The following ASPRV1 variants were observed in gnomAD, a reference collection of about 807,000 sequenced individuals.
ASPRV1 encodes retroviral-like aspartic protease 1.
A neutral mutation model predicts 11.0 loss-of-function variants in ASPRV1; 7 were observed. The observed-to-expected ratio is 0.64, with a 90% CI of 0.36 to 1.20. ASPRV1 has a LOEUF of 1.20. Ranked by LOEUF, ASPRV1 falls within the 50% of genes most tolerant of loss-of-function variation. The pLI is 0.02. For missense variants in ASPRV1, 299 were observed against 320.0 expected, an observed-to-expected ratio of 0.93 and a Z score of 0.50; for synonymous variants, 136 against 138.4, an observed-to-expected ratio of 0.98 and a Z score of 0.12.
chr2:69,964,535 C>T (rs1678270439), upstream of ASPRV1: 5 of 274,756 alleles, frequency 1.8e-5, no homozygotes, highest in South Asian at 6.3e-5. Flanking sequence ...GGAATGGCTA[C>T]GCCAGAGGTG....
rs1678114326 is a variant in ASPRV1, at chr2:69,961,574, A to G, written c.-138T>C. The G allele has an allele frequency of 3.1e-6, 5 of 1,614,020 alleles. No individual in the cohort carries two copies. The highest frequency in any genetic ancestry group is 4.5e-5 in the East Asian group (2 of 44,872). On this transcript the variant is annotated 5_prime_UTR_variant, in exon 1 of 1. Transcript: ENST00000320256. ...ATGACTTGCCCGGCCTTGGGCAAGC[A>G]GGAGGGAGCAGGCGCGGTCGGCTGG...
At chr2:69,992,432 T>C in the ASPRV1 span, among the ~76,000 whole-genome samples, 83 of 152,304 alleles carry the variant, frequency 5.4e-4, no homozygotes, top group African/African-American at 1.9e-3. Flanking sequence ...TCAGGCAGTG[T>C]GAAAACCCAG....
chr2:70,039,450 G>GA, the ASPRV1 span, among the ~76,000 whole-genome samples: 3 of 152,176 alleles, frequency 2.0e-5, no homozygotes, highest in Non-Finnish European at 2.9e-5. Context: ...GTAAGTTGAA[G>GA]AATGACATTT....
At chr2:69,946,696 A>G in the ASPRV1 span, among the ~76,000 whole-genome samples, 15 of 152,220 alleles carry the variant, frequency 9.9e-5, no homozygotes, top group African/African-American at 3.4e-4. Context: ...GGAAGTGTTC[A>G]AATATGTCAT....
the ASPRV1 span, chr2:70,014,583 T>C: frequency 6.6e-6 from 1 of 152,006 alleles, no homozygotes; most frequent in Non-Finnish European, 1.5e-5. Flanking sequence ...GACAAATCAC[T>C]TGAGCCTAGG....
Position 69,960,398 on chromosome 2 carries a change from G to C in ASPRV1, c.*259C>G. The C allele has an allele frequency of 2.2e-6, 1 of 460,432 alleles. No individual in the cohort carries two copies. The highest frequency in any genetic ancestry group is 3.9e-6 in the Non-Finnish European group (1 of 256,464). The allele number at this position is 460,432 out of a possible 1,614,324, so 28.5% of individuals were successfully genotyped here. On this transcript the variant is annotated 3_prime_UTR_variant, in exon 1 of 1. Coordinates refer to ENST00000320256, the MANE Select transcript of ASPRV1 (RefSeq NM_152792.4). ...GAGCTCTTCCAGCCTTTGAGTCTTT[G>C]TCATCAACAGCAGCTTGATGACCAT...
chr2:70,072,641 G>C, the ASPRV1 span, among the ~76,000 whole-genome samples: 1 of 152,174 alleles, frequency 6.6e-6, no homozygotes, highest in Middle Eastern at 3.4e-3. Context: ...AGAATCACTT[G>C]AACTCAGGAG....
chr2:69,961,933 G>C, upstream of ASPRV1: 1 of 429,196 alleles, frequency 2.3e-6, no homozygotes, highest in Non-Finnish European at 4.3e-6. Context: ...TCATCAGCCA[G>C]TGAAGGAAGG....
chr2:70,027,141 C>T, the ASPRV1 span, among the ~76,000 whole-genome samples: 1 of 149,880 alleles, frequency 6.7e-6, no homozygotes, highest in African/African-American at 2.4e-5. Context: ...ACCTGTAGTC[C>T]CAGCTACGCA....
chr2:69,965,639 A>G (rs1423567017), upstream of ASPRV1, among the ~76,000 whole-genome samples: 1 of 152,178 alleles, frequency 6.6e-6, no homozygotes, highest in East Asian at 1.9e-4. Context: ...ACAGCGAGAT[A>G]CATTTGGAAA....
chr2:69,970,939 G>T, the ASPRV1 span: 1 of 152,226 alleles, frequency 6.6e-6, no homozygotes, highest in Non-Finnish European at 1.5e-5. Context: ...GGCCGAGGCG[G>T]GCAGATCACC....
chr2:69,960,339 T>G lies in ASPRV1; in HGVS notation c.*318A>C. The G allele has an allele frequency of 3.3e-6, 1 of 302,374 alleles. No individual in the cohort carries two copies. Among genetic ancestry groups the G allele is most frequent in the Non-Finnish European group, 6.2e-6 (1 of 160,050 alleles). The allele number at this position is 302,374 out of a possible 1,614,324, so 18.7% of individuals were successfully genotyped here. On this transcript the variant is annotated 3_prime_UTR_variant, in exon 1 of 1. Transcript: ENST00000320256. ...CAGGGAATCTGAAGGGGTCCCACAG[T>G]TCTTTCAAAGACAAGCATTTCTAGC...
the ASPRV1 span, chr2:69,938,003 T>C: frequency 3.2e-6 from 4 of 1,246,562 alleles, no homozygotes; most frequent in South Asian, 5.7e-5. Flanking sequence ...CGCCTTTGCC[T>C]CCCAAAGTGC....
At chr2:70,012,935 A>G in the ASPRV1 span, among the ~76,000 whole-genome samples, 13 of 152,258 alleles carry the variant, frequency 8.5e-5, no homozygotes, top group African/African-American at 3.1e-4. Flanking sequence ...CATAGAAAAC[A>G]ACTGACAGTA....
At chr2:69,952,101 C>T in the ASPRV1 span, among the ~76,000 whole-genome samples, 1,449 of 152,226 alleles carry the variant, frequency 9.5e-3, 17 homozygotes, top group African/African-American at 0.033. Flanking sequence ...AAAGTCAAGC[C>T]GGCTTAAATT....
At chr2:70,068,615 G>A in the ASPRV1 span, among the ~76,000 whole-genome samples, 1 of 152,066 alleles carries the variant, frequency 6.6e-6, no homozygotes, top group African/African-American at 2.4e-5. Context: ...CTACAAATGA[G>A]GAAAGATGAA....
At chr2:70,021,520 G>A in the ASPRV1 span, among the ~76,000 whole-genome samples, 1 of 151,414 alleles carries the variant, frequency 6.6e-6, no homozygotes. Context: ...GGGCTTCACT[G>A]TGTTAGCCAG....
At chr2:70,057,290 G>C in the ASPRV1 span, among the ~76,000 whole-genome samples, 1 of 151,906 alleles carries the variant, frequency 6.6e-6, no homozygotes, top group Admixed American at 6.6e-5. Flanking sequence ...AACAGTATGG[G>C]TATATAACAA....
At chr2:69,966,902 T>G in the ASPRV1 span, among the ~76,000 whole-genome samples, 1 of 152,132 alleles carries the variant, frequency 6.6e-6, no homozygotes, top group African/African-American at 2.4e-5. Flanking sequence ...GTACCTTCCC[T>G]CTGGCATGTC....
Sources: allele counts gnomAD v4.1 joint callset (sites outside exome capture counted in the v4.1 genomes callset), GRCh38; gene constraint gnomAD v4.1.1; transcripts MANE v1.5; gene names NCBI Gene and HGNC (gene_info 2026-07-23, HGNC 2026-07-21).